The following CA10 variants were observed in gnomAD, a reference collection of about 807,000 sequenced individuals.
CA10 encodes carbonic anhydrase 10 (inactive), also known as carbonic anhydrase-related protein 10.
In CA10, 14 loss-of-function variants were observed where a neutral mutation model predicts 44.2. The observed-to-expected ratio is 0.32, with a 90% CI of 0.21 to 0.50. The LOEUF (loss-of-function observed/expected upper bound fraction) is 0.50. CA10 is among the 20% of genes least tolerant of loss of function. The probability of loss-of-function intolerance (pLI) is 0.99; values close to 1 mark genes in which losing one functional copy is unlikely to be tolerated. For synonymous variants in CA10, 159 were observed against 141.6 expected, an observed-to-expected ratio of 1.12 and a Z score of -0.87; for missense variants, 350 against 409.7, an observed-to-expected ratio of 0.85 and a Z score of 1.26.
In CA10 at chr17:51,866,179, A is replaced by G. The variant is rs539786795; in HGVS notation, c.279+64811T>C. On this transcript the variant is annotated intron_variant, in intron 3 of 8. Transcript: ENST00000451037. ...ACTGTCATTAATCCTAGTCTGACTC[A>G]TTCTGGTTAAGGACTACTGCTCCCA... Among the ~76,000 whole-genome samples the G allele has an allele frequency of 2.6e-5, 4 of 152,312 alleles. No homozygotes were observed. In the South Asian group the frequency reaches 8.3e-4, roughly 32 times the overall value.
chr17:52,012,727 T>C (rs1286984852), intron 2 of CA10, among the ~76,000 whole-genome samples: 1 of 152,012 alleles, frequency 6.6e-6, no homozygotes, highest in African/African-American at 2.4e-5. Flanking sequence ...TAATTAATTG[T>C]CTACAATTTT....
At chr17:51,995,103 A>G (rs965738717) in intron 2 of CA10, among the ~76,000 whole-genome samples, 5 of 152,104 alleles carry the variant, frequency 3.3e-5, no homozygotes, top group Non-Finnish European at 7.4e-5. Context: ...GCGTAGCCAT[A>G]TAAGAAGAAA....
intron 4 of CA10, among the ~76,000 whole-genome samples, chr17:51,737,829 A>G (rs151075346): frequency 1.8e-3 from 279 of 152,186 alleles, no homozygotes; most frequent in African/African-American, 6.2e-3. Context: ...AGCAGATCCA[A>G]TGAATAATCA....
At position 51,649,233 on chromosome 17, in the gene CA10, A is replaced by G; in HGVS notation, c.583T>C (p.Phe195Leu). Residue 195 changes from phenylalanine to leucine, a missense_variant, in exon 6 of 9, where the codon TTT (phenylalanine) becomes CTT (leucine). Phe to Leu is a conservative substitution (Grantham distance 22). Coordinates refer to ENST00000451037, the MANE Select transcript of CA10 (RefSeq NM_020178.5). ...FIKVSDSSNP[F>L]LNRMLNRDTI... The stretch of plus-strand genomic sequence containing the variant: ...TCTCTGTTGAGCATTCGATTAAGAA[A>G]TGGGTTTGATGAATCAGAAACCTGG... The G allele has an allele frequency of 6.2e-7, 1 of 1,613,246 alleles. No individual in the cohort carries two copies. Among genetic ancestry groups the G allele is most frequent in the Non-Finnish European group, 8.5e-7 (1 of 1,179,176 alleles).
chr17:51,982,665 A>G (rs995835814), intron 2 of CA10, among the ~76,000 whole-genome samples: 2 of 151,818 alleles, frequency 1.3e-5, no homozygotes, highest in African/African-American at 4.8e-5. Flanking sequence ...CCTGATGGTT[A>G]AAGCCCTACT....
chr17:51,797,552 C>T (rs944598651), intron 3 of CA10, among the ~76,000 whole-genome samples: 8 of 152,080 alleles, frequency 5.3e-5, no homozygotes, highest in Non-Finnish European at 8.8e-5. Flanking sequence ...AACCCCTCCA[C>T]TCCCTTAAAA....
intron 4 of CA10, among the ~76,000 whole-genome samples, chr17:51,711,557 TG>T (rs1223754198): frequency 6.6e-6 from 1 of 152,256 alleles, no homozygotes; most frequent in Non-Finnish European, 1.5e-5. Flanking sequence ...AGATGTCTTC[TG>T]TTGGGTTCCT....
chr17:52,019,737 T>A (rs1459593664), intron 2 of CA10, among the ~76,000 whole-genome samples: 12 of 152,178 alleles, frequency 7.9e-5, no homozygotes, highest in Non-Finnish European at 1.5e-5. Context: ...CAGATCAAAG[T>A]AGGCATATGC....
intron 3 of CA10, among the ~76,000 whole-genome samples, chr17:51,844,654 A>T (rs1978411083): frequency 1.3e-5 from 2 of 152,220 alleles, no homozygotes; most frequent in South Asian, 4.1e-4. Context: ...AGAAAGTCCC[A>T]GCATAACAGG....
At chr17:51,837,656 C>A (rs574170393) in intron 3 of CA10, among the ~76,000 whole-genome samples, 1 of 152,066 alleles carries the variant, frequency 6.6e-6, no homozygotes, top group Non-Finnish European at 1.5e-5. Context: ...CAGAGAGTGC[C>A]TTTTGTTTGT....
At chr17:52,154,793 G>A (rs1478200094) in intron 1 of CA10, among the ~76,000 whole-genome samples, 3 of 152,166 alleles carry the variant, frequency 2.0e-5, no homozygotes, top group Non-Finnish European at 4.4e-5. Flanking sequence ...AGACATACAT[G>A]CTACTGACCC....
intron 1 of CA10, among the ~76,000 whole-genome samples, chr17:52,138,947 A>G (rs148670023): frequency 6.6e-6 from 1 of 152,348 alleles, no homozygotes; most frequent in Admixed American, 6.5e-5. Context: ...AGGGAGGCTG[A>G]CGGAGTGCTC....
At chr17:51,862,913 A>C (rs1979378356) in intron 3 of CA10, among the ~76,000 whole-genome samples, 1 of 152,132 alleles carries the variant, frequency 6.6e-6, no homozygotes, top group Admixed American at 6.5e-5. Context: ...ATTATCTACC[A>C]AAAGCCCCAT....
rs188794341 is a variant in CA10, at chr17:51,654,583, G to A, written c.466-847C>T. On this transcript the variant is annotated intron_variant, in intron 4 of 8. Transcript: ENST00000451037. Reference sequence around the variant, plus strand: ...ATTTTTTTTTTTTTTTTAAGTTGGAGTCTCGCTCTGTCACCCAGGCTGGAG... The same window carrying A: ...ATTTTTTTTTTTTTTTTAAGTTGGAATCTCGCTCTGTCACCCAGGCTGGAG... Among the ~76,000 whole-genome samples, 333 of 148,776 alleles carry A rather than the reference G, an allele frequency of 2.2e-3. 4 individuals are homozygous for A. Among genetic ancestry groups the A allele is most frequent in the Non-Finnish European group, 5.9e-4 (40 of 67,470 alleles).
intron 4 of CA10, among the ~76,000 whole-genome samples, chr17:51,717,868 T>TATACAC (rs1555589918): frequency 9.4e-6 from 1 of 105,908 alleles, no homozygotes; most frequent in African/African-American, 3.9e-5. Context: ...TATATATATA[T>TATACAC]ACAGGATAGA....
chr17:51,766,344 G>A (rs991576013), intron 3 of CA10, among the ~76,000 whole-genome samples: 12 of 152,312 alleles, frequency 7.9e-5, no homozygotes, highest in Middle Eastern at 3.4e-3. Context: ...GCTCCAGCAT[G>A]CTATCTAACC....
chr17:51,740,290 C>T (rs1025644757), intron 4 of CA10, among the ~76,000 whole-genome samples: 20 of 152,280 alleles, frequency 1.3e-4, no homozygotes, highest in Middle Eastern at 3.4e-3. Context: ...ACAGGATCCT[C>T]TACTATACTG....
At chr17:51,649,989 C>T (rs72830543) in intron 5 of CA10, among the ~76,000 whole-genome samples, 2 of 21,418 alleles carry the variant, frequency 9.3e-5, no homozygotes, top group Non-Finnish European at 1.3e-4. Flanking sequence ...AGCCAGTCAG[C>T]CAGCCAGCCA....
At chr17:51,949,741 C>T (rs1983413476) in intron 2 of CA10, among the ~76,000 whole-genome samples, 1 of 152,042 alleles carries the variant, frequency 6.6e-6, no homozygotes, top group African/African-American at 2.4e-5. Context: ...GAAGGTTAGC[C>T]TTAAGGGTGA....
Sources: gnomAD v4.1 joint callset for allele counts (sites outside exome capture counted in the v4.1 genomes callset) on GRCh38, gnomAD v4.1.1 for gene constraint, MANE v1.5 for transcripts, NCBI Gene and HGNC (gene_info 2026-07-23, HGNC 2026-07-21) for gene names.